The following SLC8A1 variants were observed in gnomAD, a reference collection of about 807,000 sequenced individuals.
SLC8A1 encodes solute carrier family 8 member A1.
SLC8A1 carries 18 observed loss-of-function variants against 68.3 expected under a neutral mutation model. The ratio of observed to expected loss-of-function variants is 0.26; its 90% CI spans 0.18 to 0.39. SLC8A1 has a LOEUF of 0.39. Among genes scored for constraint, SLC8A1 ranks in the 10% least tolerant of loss-of-function variants. SLC8A1 has a pLI of 1.00. For synonymous variants in SLC8A1, 475 were observed against 415.5 expected (o/e 1.14, Z -1.74); for missense variants, 985 against 1,156.7 (o/e 0.85, Z 2.15).
At chr2:40,376,220 C>G (rs1338552089) in intron 2 of SLC8A1, among the ~76,000 whole-genome samples, 1 of 152,030 alleles carries the variant, frequency 6.6e-6, no homozygotes, top group Non-Finnish European at 1.5e-5. Flanking sequence ...TGTGGCCAAC[C>G]TTAAGCATCT....
rs540693740 is a variant in SLC8A1 at position 40,479,121 on chromosome 2, C to T, written c.-25+33228G>A. On this transcript the variant is annotated intron_variant, in intron 1 of 7. Coordinates refer to the SLC8A1 transcript ENST00000402441. ...GGAGAACGTATAAATTTCACCAATTCACACCATTAATTCAGAATGTACAAA... is the reference window on the plus strand; with the variant it reads ...GGAGAACGTATAAATTTCACCAATTTACACCATTAATTCAGAATGTACAAA... Among the ~76,000 whole-genome samples, 12 of 152,312 alleles carry T rather than the reference C, an allele frequency of 7.9e-5. No individual in the cohort carries two copies. In the South Asian group the frequency reaches 2.5e-3, roughly 32 times the overall value.
intron 2 of SLC8A1, among the ~76,000 whole-genome samples, chr2:40,354,033 A>G (rs2149454700): frequency 6.6e-6 from 1 of 152,342 alleles, no homozygotes; most frequent in South Asian, 2.1e-4. Context: ...ATTCTTGTGC[A>G]GATGTTTTTA....
At chr2:40,224,140 T>C (rs2058685597) in intron 2 of SLC8A1, among the ~76,000 whole-genome samples, 1 of 152,170 alleles carries the variant, frequency 6.6e-6, no homozygotes, top group Non-Finnish European at 1.5e-5. Context: ...GCTAATTGTC[T>C]AGTGCGGTGG....
At chr2:40,333,523 T>C (rs1039650254) in intron 2 of SLC8A1, among the ~76,000 whole-genome samples, 18 of 151,266 alleles carry the variant, frequency 1.2e-4, no homozygotes, top group African/African-American at 2.4e-5. Context: ...AGGTAACCAA[T>C]GTTATTGGGG....
chr2:40,423,730 C>A (rs1243006807), intron 2 of SLC8A1, among the ~76,000 whole-genome samples: 1 of 151,968 alleles, frequency 6.6e-6, no homozygotes, highest in Non-Finnish European at 1.5e-5. Flanking sequence ...CCATAAACAA[C>A]CTTTCTGCAC....
At chr2:40,339,836 A>G (rs1667135057) in intron 2 of SLC8A1, among the ~76,000 whole-genome samples, 1 of 152,234 alleles carries the variant, frequency 6.6e-6, no homozygotes, top group Non-Finnish European at 1.5e-5. Context: ...TATAAAAATC[A>G]TGAACATATA....
intron 2 of SLC8A1, among the ~76,000 whole-genome samples, chr2:40,335,757 A>T (rs1022874959): frequency 6.6e-6 from 1 of 152,234 alleles, no homozygotes; most frequent in African/African-American, 2.4e-5. Flanking sequence ...CCTTTTATTA[A>T]CAGGAAATGA....
At chr2:40,272,484 C>T (rs1261044416) in intron 2 of SLC8A1, among the ~76,000 whole-genome samples, 2 of 152,170 alleles carry the variant, frequency 1.3e-5, no homozygotes, top group Non-Finnish European at 2.9e-5. Context: ...ATAACAGAAG[C>T]TCCTTAGGTA....
intron 1 of SLC8A1, among the ~76,000 whole-genome samples, chr2:40,490,456 G>A (rs1164276886): frequency 1.3e-5 from 2 of 152,032 alleles, no homozygotes; most frequent in Admixed American, 1.3e-4. Context: ...ATGTTTGTTT[G>A]TATAAGTATA....
chr2:40,357,467 G>A (rs575584256), intron 2 of SLC8A1, among the ~76,000 whole-genome samples: 41 of 145,338 alleles, frequency 2.8e-4, no homozygotes, highest in Admixed American at 1.3e-3. Context: ...ACTGCATGCC[G>A]GCCTGGGCAA....
intron 1 of SLC8A1, among the ~76,000 whole-genome samples, chr2:40,458,411 G>A (rs1252266809): frequency 6.6e-6 from 1 of 152,086 alleles, no homozygotes; most frequent in Admixed American, 6.5e-5. Context: ...AGTTTTTGGT[G>A]CATGGGACAT....
At chr2:40,324,236 G>C (rs896128921) in intron 2 of SLC8A1, among the ~76,000 whole-genome samples, 1 of 152,148 alleles carries the variant, frequency 6.6e-6, no homozygotes, top group African/African-American at 2.4e-5. Context: ...GTTAAAAGTA[G>C]AGGTAGCATG....
chr2:40,502,795 C>G (rs1706128746), intron 1 of SLC8A1, among the ~76,000 whole-genome samples: 1 of 151,994 alleles, frequency 6.6e-6, no homozygotes, highest in Non-Finnish European at 1.5e-5. Flanking sequence ...CAGATCTGGT[C>G]ACATTCCTGG....
rs770132928 is a variant in SLC8A1 at position 40,311,454 on chromosome 2, C to T, written c.1808+117019G>A. ...TTTTGATGCATTCATATGAGAAAAT[C>T]GAAGGCATTAATATGGCGGTATGAT... On this transcript the variant is annotated intron_variant, in intron 2 of 7. Transcript: ENST00000406785. Among the ~76,000 whole-genome samples, 9 of 151,420 alleles carry T rather than the reference C, an allele frequency of 5.9e-5. No homozygotes were observed. The South Asian group carries it at 8.3e-4, about 14-fold the overall frequency.
At chr2:40,165,069 G>C in intron 4 of SLC8A1, 85 bp from the exon 8 acceptor site, 2 of 1,567,196 alleles carry the variant, frequency 1.3e-6, no homozygotes, top group South Asian at 2.3e-5. Flanking sequence ...AAGCCAAGGA[G>C]GAAGGAAGCC....
At chr2:40,407,738 T>C (rs1005154690) in intron 2 of SLC8A1, among the ~76,000 whole-genome samples, 3 of 152,204 alleles carry the variant, frequency 2.0e-5, no homozygotes, top group Admixed American at 6.5e-5. Context: ...TCCTGGCACT[T>C]TGTGAATATT....
chr2:40,338,157 A>AG (rs556529068), intron 2 of SLC8A1, among the ~76,000 whole-genome samples: 48 of 152,090 alleles, frequency 3.2e-4, no homozygotes, highest in Middle Eastern at 3.4e-3. Flanking sequence ...GCTACAATTC[A>AG]GCCAGTAGAT....
At chr2:40,307,644 C>T (rs1310649690) in intron 2 of SLC8A1, among the ~76,000 whole-genome samples, 2 of 152,162 alleles carry the variant, frequency 1.3e-5, no homozygotes, top group Non-Finnish European at 2.9e-5. Flanking sequence ...TAAAGGGGTA[C>T]AGTCTCTGAT....
chr2:40,420,694 G>C (rs1445316603), intron 2 of SLC8A1, among the ~76,000 whole-genome samples: 1 of 152,150 alleles, frequency 6.6e-6, no homozygotes, highest in Admixed American at 6.5e-5. Context: ...ACACGTTCTA[G>C]AATCCCAGAA....
Sources: gnomAD v4.1 joint callset for allele counts (sites outside exome capture counted in the v4.1 genomes callset) on GRCh38, gnomAD v4.1.1 for gene constraint, MANE v1.5 for transcripts, NCBI Gene and HGNC (gene_info 2026-07-23, HGNC 2026-07-21) for gene names.